The following NPAS4 variants were observed in gnomAD, a reference collection of about 807,000 sequenced individuals.
The protein encoded by NPAS4 is neuronal PAS domain protein 4.
Under a neutral mutation model 64.0 loss-of-function variants are expected in NPAS4, and 10 were observed. The observed-to-expected ratio is 0.16, with a 90% CI of 0.10 to 0.26. NPAS4 has a LOEUF of 0.26. NPAS4 is among the 10% of genes least tolerant of loss of function. The probability of loss-of-function intolerance (pLI) is 1.00; values close to 1 mark genes in which losing one functional copy is unlikely to be tolerated. For synonymous variants in NPAS4, 441 were observed against 411.7 expected, an observed-to-expected ratio of 1.07 and a Z score of -0.86; for missense variants, 886 against 992.6, an observed-to-expected ratio of 0.89 and a Z score of 1.44.
chr11:66,423,370 A>C, intron 5 of NPAS4, 138 bp downstream of exon 5: 1 of 802,810 alleles, frequency 1.2e-6, no homozygotes, highest in Non-Finnish European at 2.1e-6. Context: ...TAGGGTGAAC[A>C]TGAAGGTGAG....
At position 66,423,925 on chromosome 11, in the gene NPAS4, A is replaced by T. The variant is rs1164745890; in HGVS notation, c.1035A>T (p.Ser345=). 6.2e-7 allele frequency: 1 copy of T among 1,614,006 alleles called. No individual in the cohort carries two copies. The highest frequency in any genetic ancestry group is 8.5e-7 in the Non-Finnish European group (1 of 1,179,950). ...TGGGCACTCCGACCATGCTGCCCTCATTCCCTGAAAACATTCTTTCCCAGG... is the reference window on the plus strand; with the variant it reads ...TGGGCACTCCGACCATGCTGCCCTCTTTCCCTGAAAACATTCTTTCCCAGG... ...YVLGTPTMLP[S]FPENILSQEE... Residue 345 remains serine (S), a synonymous_variant, in exon 7 of 8, where the codon TCA becomes TCT. Coordinates refer to ENST00000311034, the MANE Select transcript of NPAS4 (RefSeq NM_178864.4).
chr11:66,414,254 TC>T, the NPAS4 span, among the ~76,000 whole-genome samples: 1 of 152,148 alleles, frequency 6.6e-6, no homozygotes, highest in Non-Finnish European at 1.5e-5. Flanking sequence ...ATCCGCCTCC[TC>T]CAGCCTCCCC....
upstream of NPAS4, among the ~76,000 whole-genome samples, chr11:66,416,615 A>G (rs528086264): frequency 6.6e-6 from 1 of 152,338 alleles, no homozygotes; most frequent in South Asian, 2.1e-4. Context: ...CACCAATTGC[A>G]TCAATGCATC....
At position 66,423,992 on chromosome 11, in the gene NPAS4, G is replaced by T; in HGVS notation, c.1102G>T (p.Gly368Trp). The T allele has an allele frequency of 6.2e-7, 1 of 1,614,062 alleles. No individual in the cohort carries two copies. Among genetic ancestry groups the T allele is most frequent in the Non-Finnish European group, 8.5e-7 (1 of 1,179,992 alleles). Residue 368 changes from glycine to tryptophan, a missense_variant, in exon 7 of 8, where the codon GGG becomes TGG. Coordinates refer to ENST00000311034, the MANE Select transcript of NPAS4 (RefSeq NM_178864.4). ...STNPLFTAAL[G>W]APRSTSFPSA... ...TAACCCACTCTTCACCGCAGCACTG[G>T]GGGCTCCCAGAAGCACCAGCTTCCC...
upstream of NPAS4, among the ~76,000 whole-genome samples, chr11:66,419,459 C>T (rs1257804445): frequency 6.6e-6 from 1 of 152,164 alleles, no homozygotes; most frequent in Non-Finnish European, 1.5e-5. Flanking sequence ...AGTTCATCTC[C>T]ATGCTTCCTG....
upstream of NPAS4, among the ~76,000 whole-genome samples, chr11:66,418,226 T>A (rs997349745): frequency 1.3e-5 from 2 of 152,170 alleles, no homozygotes; most frequent in African/African-American, 4.8e-5. Flanking sequence ...CATCTCAGGC[T>A]TCTAATTCTT....
At position 66,423,946 on chromosome 11, in the gene NPAS4, C is replaced by T. The variant is rs147817416; in HGVS notation, c.1056C>T (p.Ser352=). The T allele has an allele frequency of 1.2e-6, 2 of 1,613,950 alleles. No individual in the cohort carries two copies. The highest frequency in any genetic ancestry group is 1.7e-6 in the Non-Finnish European group (2 of 1,179,994). The change falls in exon 7 of 8, where the codon TCC becomes TCT. Residue 352 remains serine, a synonymous_variant. Transcript: ENST00000311034. ...CCTCATTCCCTGAAAACATTCTTTC[C>T]CAGGAAGAGTGCTCCAGCACTAACC... The part of the protein sequence containing the change: ...MLPSFPENIL[S]QEECSSTNPL...
intron 4 of NPAS4, 41 bp from the exon 5 acceptor site, chr11:66,423,082 A>G (rs1224254273): frequency 6.5e-7 from 1 of 1,529,490 alleles, no homozygotes; most frequent in Non-Finnish European, 9.0e-7. Flanking sequence ...GTATCAAGCA[A>G]GGAAAACAGA....
chr11:66,419,033 A>C (rs2134638004), upstream of NPAS4, among the ~76,000 whole-genome samples: 1 of 151,742 alleles, frequency 6.6e-6, no homozygotes, highest in Non-Finnish European at 1.5e-5. Flanking sequence ...CACAGGAACA[A>C]CCCCCCTGGA....
In NPAS4 at chr11:66,424,467, C is replaced by T; in HGVS notation, c.1577C>T (p.Pro526Leu). ...ACCTTCCCAGAGCCTCTGGGCAGCC[C>T]TGCCCATGAACAGCTGACTCCTCCC... ...TATFPEPLGS[P>L]AHEQLTPPST... The change falls in exon 7 of 8, where the codon CCT (proline) becomes CTT (leucine). Residue 526 changes from proline (P) to leucine (L), a missense_variant. Pro to Leu is a moderately conservative substitution (Grantham distance 98). Around this residue, in one of 3 missense-constraint regions of NPAS4, gnomAD observed 820 missense variants for 855.5 expected, o/e 0.96. Transcript: ENST00000311034. The T allele has an allele frequency of 1.2e-6, 2 of 1,614,138 alleles. No individual in the cohort carries two copies. The highest frequency in any genetic ancestry group is 8.5e-7 in the Non-Finnish European group (1 of 1,180,018).
In NPAS4 at chr11:66,426,366, C is replaced by T. The variant is rs977829710; in HGVS notation, c.*377C>T. The T allele has an allele frequency of 2.0e-5, 4 of 200,452 alleles. No individual in the cohort carries two copies. The highest frequency in any genetic ancestry group is 6.9e-5 in the African/African-American group (3 of 43,376). 12.4% of individuals were successfully genotyped at this position (200,452 alleles called of 1,614,324 possible). On this transcript the variant is annotated 3_prime_UTR_variant, in exon 8 of 8. Transcript: ENST00000311034. The stretch of plus-strand genomic sequence containing the variant: ...AGCCTTGGTGGGGGAAAGGCAGGGC[C>T]CACCCGGGCCAGCCCGTGCCCTGAG...
At position 66,424,471 on chromosome 11, in the gene NPAS4, C is replaced by T. The variant is rs1483347403; in HGVS notation, c.1581C>T (p.Ala527=). ...TCCCAGAGCCTCTGGGCAGCCCTGC[C>T]CATGAACAGCTGACTCCTCCCAGCA... ...ATFPEPLGSP[A]HEQLTPPSTA... is the part of the protein sequence containing the mutation. Residue 527 remains alanine (A), a synonymous_variant, in exon 7 of 8, where the codon GCC becomes GCT. Coordinates refer to ENST00000311034, the MANE Select transcript of NPAS4 (RefSeq NM_178864.4). 1 of 1,614,008 alleles carries T rather than the reference C, an allele frequency of 6.2e-7. No individual in the cohort carries two copies. The highest frequency in any genetic ancestry group is 1.3e-5 in the African/African-American group (1 of 74,906).
In NPAS4 at chr11:66,421,986, G is replaced by A. The variant is rs181449273; in HGVS notation, c.176-134G>A. 9.4e-5 allele frequency: 69 copies of A among 730,364 alleles called. No individual in the cohort carries two copies. The African/African-American group carries it at 1.1e-3, about 11-fold the overall frequency. The allele number at this position is 730,364 out of a possible 1,614,324, so 45.2% of individuals were successfully genotyped here. A position where few individuals can be genotyped will look rare whatever the true frequency, so the allele number is the denominator to read the frequency against. ...TCCCTGGCCAAGAGCTGCGGGCAGCGGGTCAACAGGTGTTTGCAGAGGCAG... is the reference window on the plus strand; with the variant it reads ...TCCCTGGCCAAGAGCTGCGGGCAGCAGGTCAACAGGTGTTTGCAGAGGCAG... On this transcript the variant is annotated intron_variant, in intron 1 of 7. Coordinates refer to ENST00000311034, the MANE Select transcript of NPAS4 (RefSeq NM_178864.4).
the NPAS4 span, among the ~76,000 whole-genome samples, chr11:66,415,032 T>G: frequency 6.6e-6 from 1 of 152,154 alleles, no homozygotes; most frequent in Non-Finnish European, 1.5e-5. Context: ...ACCTTCCTTT[T>G]CCTCCCATAT....
In NPAS4 at chr11:66,422,838, C is replaced by G; in HGVS notation, c.595C>G (p.Pro199Ala). The G allele has an allele frequency of 6.2e-7, 1 of 1,613,968 alleles. No homozygotes were observed. The highest frequency in any genetic ancestry group is 8.5e-7 in the Non-Finnish European group (1 of 1,180,042). The part of the protein sequence containing the change: ...TAFCAPLEPR[P>A]RPGPGPGPGP... ...TTTCTGTGCCCCTCTGGAGCCGAGA[C>G]CCCGCCCAGGTCCTGGCCCTGGCCC... Residue 199 changes from proline (P) to alanine (A), a missense_variant, in exon 4 of 8, where the codon CCC becomes GCC. Physicochemically the swap from Pro to Ala is conservative, Grantham distance 27. Transcript: ENST00000311034.
chr11:66,421,068 G>C lies in NPAS4; in HGVS notation c.-112G>C. On this transcript the variant is annotated 5_prime_UTR_variant, in exon 1 of 8. Coordinates refer to ENST00000311034, the MANE Select transcript of NPAS4 (RefSeq NM_178864.4). The stretch of plus-strand genomic sequence containing the variant: ...CAGCCGAGCGGAGCCCAGGAGAGCA[G>C]AGAGCGAGCCTGAGCGAGAGACGGG... 1 of 929,516 alleles carries C rather than the reference G, an allele frequency of 1.1e-6. No individual in the cohort carries two copies. Among genetic ancestry groups the C allele is most frequent in the South Asian group, 1.6e-5 (1 of 61,030 alleles). 57.6% of individuals were successfully genotyped at this position (929,516 alleles called of 1,614,324 possible).
Position 66,422,723 on chromosome 11 carries a change from G to A in NPAS4, c.480G>A (p.Gln160=), listed in dbSNP as rs1245038681. 1 of 1,614,112 alleles carries A rather than the reference G, an allele frequency of 6.2e-7. No homozygotes were observed. The part of the protein sequence containing the change: ...RFNTSKSLRR[Q]SAGNKLVLIR... Reference sequence around the variant, plus strand: ...ACACCTCCAAGTCCCTCAGGCGCCAGAGTGCAGGCAACAAACTCGTGCTTA... The same window carrying A: ...ACACCTCCAAGTCCCTCAGGCGCCAAAGTGCAGGCAACAAACTCGTGCTTA... Residue 160 remains glutamine, a synonymous_variant, in exon 4 of 8, where the codon CAG becomes CAA. Transcript: ENST00000311034.
In NPAS4 at chr11:66,426,105, G is replaced by T; in HGVS notation, c.*116G>T. ...CTGAGGGCCAGAGGGGGATATATAT[G>T]ATTCCCCAGGCCCTGCAGGATTTTG... On this transcript the variant is annotated 3_prime_UTR_variant, in exon 8 of 8. Transcript: ENST00000311034. The T allele has an allele frequency of 2.0e-6, 1 of 500,962 alleles. No homozygotes were observed. The allele number at this position is 500,962 out of a possible 1,614,324, so 31.0% of individuals were successfully genotyped here. A position where few individuals can be genotyped will look rare whatever the true frequency, so the allele number is the denominator to read the frequency against.
At position 66,422,839 on chromosome 11, in the gene NPAS4, C is replaced by A. The variant is rs369027011; in HGVS notation, c.596C>A (p.Pro199His). The change falls in exon 4 of 8, where the codon CCC becomes CAC. Residue 199 changes from proline (P) to histidine (H), a missense_variant. Pro to His is a moderately conservative substitution (Grantham distance 77). This residue lies in a region of NPAS4 where 820 missense variants were observed against 855.5 expected (regional missense o/e 0.96). Coordinates refer to ENST00000311034, the MANE Select transcript of NPAS4 (RefSeq NM_178864.4). ...TAFCAPLEPR[P>H]RPGPGPGPGP... ...TTCTGTGCCCCTCTGGAGCCGAGAC[C>A]CCGCCCAGGTCCTGGCCCTGGCCCT... The A allele has an allele frequency of 6.2e-7, 1 of 1,613,966 alleles. No individual in the cohort carries two copies. The highest frequency in any genetic ancestry group is 1.1e-5 in the South Asian group (1 of 91,088).
Sources: gnomAD v4.1 joint callset for allele counts (sites outside exome capture counted in the v4.1 genomes callset) on GRCh38, gnomAD v4.1.1 for gene constraint, gnomAD v4.1.1 regional missense constraint, MANE v1.5 for transcripts, NCBI Gene and HGNC (gene_info 2026-07-23, HGNC 2026-07-21) for gene names.